The following PALMD variants were observed in gnomAD, a reference collection of about 807,000 sequenced individuals.
PALMD encodes the protein paralemmin-like protein.
A neutral mutation model predicts 56.2 loss-of-function variants in PALMD; 42 were observed. That is an observed-to-expected ratio of 0.75 (90% CI 0.58 to 0.97). The LOEUF (loss-of-function observed/expected upper bound fraction) is 0.97, where lower values mean the gene tolerates loss of function less well. Ranked by LOEUF, PALMD falls within the 50% of genes least tolerant of loss-of-function variation. The probability of loss-of-function intolerance (pLI) is 0.00; values close to 1 mark genes in which losing one functional copy is unlikely to be tolerated. For missense variants in PALMD, 660 were observed against 643.8 expected (o/e 1.03, Z -0.27); for synonymous variants, 242 against 222.9 (o/e 1.09, Z -0.76).
intron 3 of PALMD, chr1:99,684,372 T>C (rs1338622827): frequency 6.6e-6 from 1 of 152,236 alleles, no homozygotes; most frequent in Non-Finnish European, 1.5e-5. Flanking sequence ...AGCCCCTGTA[T>C]TGTCTCCCAC....
chr1:99,687,953 G>T (rs943096120), intron 6 of PALMD, among the ~76,000 whole-genome samples: 1 of 152,092 alleles, frequency 6.6e-6, no homozygotes, highest in African/African-American at 2.4e-5. Flanking sequence ...AAAGAAAGGT[G>T]GGAGGACACA....
intron 3 of PALMD, among the ~76,000 whole-genome samples, chr1:99,670,697 T>C (rs536418649): frequency 1.2e-4 from 18 of 152,296 alleles, no homozygotes; most frequent in African/African-American, 3.8e-4. Context: ...TTGTGACCTA[T>C]AGAGGCAGGT....
At chr1:99,667,553 T>C in intron 2 of PALMD, 89 bp from the exon 3 acceptor site, 1 of 1,026,194 alleles carries the variant, frequency 9.7e-7, no homozygotes, top group Non-Finnish European at 1.5e-6. Flanking sequence ...ACGTGTCACC[T>C]ATTGAAATTC....
intron 3 of PALMD, among the ~76,000 whole-genome samples, chr1:99,675,818 G>T (rs1653186297): frequency 6.6e-6 from 1 of 152,134 alleles, no homozygotes; most frequent in African/African-American, 2.4e-5. Flanking sequence ...TGATTAAGAG[G>T]GTTTGCTTTT....
rs112717391 is a variant in PALMD, at chr1:99,675,221, G to A, written c.251+7455G>A. 5.9e-3 allele frequency among the ~76,000 whole-genome samples: 891 copies of A among 152,286 alleles called. 9 individuals carry two copies. The highest frequency in any genetic ancestry group is 0.021 in the African/African-American group (856 of 41,568). ...ATAAAAAATAGAAAATATAGTGACTGCTGTATAATATAGTCAGGGATAAAT... is the reference window on the plus strand; with the variant it reads ...ATAAAAAATAGAAAATATAGTGACTACTGTATAATATAGTCAGGGATAAAT... On this transcript the variant is annotated intron_variant, in intron 3 of 7. Coordinates refer to ENST00000263174, the MANE Select transcript of PALMD (RefSeq NM_017734.5).
chr1:99,673,446 G>C (rs1653130797), intron 3 of PALMD, among the ~76,000 whole-genome samples: 1 of 151,762 alleles, frequency 6.6e-6, no homozygotes. Flanking sequence ...ACATAGCAGA[G>C]AGATAGACAA....
chr1:99,664,315 T>A (rs1283723606), intron 2 of PALMD, among the ~76,000 whole-genome samples: 1 of 152,188 alleles, frequency 6.6e-6, no homozygotes, highest in East Asian at 1.9e-4. Context: ...GAAGGCACTA[T>A]TAAAGGTATG....
At position 99,689,519 on chromosome 1, in the gene PALMD, A is replaced by G; in HGVS notation, c.1259A>G (p.Tyr420Cys). The change falls in exon 7 of 8, where the codon TAT (tyrosine) becomes TGT (cysteine). Residue 420 changes from tyrosine to cysteine, a missense_variant. By Grantham distance (194) the Tyr-to-Cys change is radical. Transcript: ENST00000263174. Reference protein sequence around the residue: ...TEPVTMIFMGYQQAEDSEEDK... With the variant: ...TEPVTMIFMGCQQAEDSEEDK... ...CCGGTGACAATGATTTTCATGGGGT[A>G]TCAGCAGGCAGAAGACAGTGAAGAA... The G allele has an allele frequency of 6.2e-7, 1 of 1,613,856 alleles. No individual in the cohort carries two copies. The highest frequency in any genetic ancestry group is 1.1e-5 in the South Asian group (1 of 91,076).
At chr1:99,659,300 C>T (rs1044473761) in intron 1 of PALMD, among the ~76,000 whole-genome samples, 2 of 152,080 alleles carry the variant, frequency 1.3e-5, no homozygotes, top group African/African-American at 4.8e-5. Flanking sequence ...TAAGAGATAA[C>T]CTTTAACAGG....
Position 99,683,003 on chromosome 1 carries a change from CTCCAAAAA to C in PALMD, c.252-3672_252-3665del, listed in dbSNP as rs576314602. Among the ~76,000 whole-genome samples, 990 of 130,840 alleles carry C rather than the reference CTCCAAAAA, an allele frequency of 7.6e-3. 26 individuals are homozygous for C. Among genetic ancestry groups the C allele is most frequent in the Middle Eastern group, 0.019 (5 of 258 alleles). 85.8% of individuals were successfully genotyped at this position (130,840 alleles called of 152,430 possible). ...CCTGGGTGACAGAGCAAGACTCTGT[CTCCAAAAA>C]GAAAGAAGGAAAGAAAGAAAGAAAG... On this transcript the variant is annotated intron_variant, in intron 3 of 7. Coordinates refer to ENST00000263174, the MANE Select transcript of PALMD (RefSeq NM_017734.5).
At chr1:99,681,032 A>G (rs1653328279) in intron 3 of PALMD, among the ~76,000 whole-genome samples, 1 of 151,894 alleles carries the variant, frequency 6.6e-6, no homozygotes, top group Admixed American at 6.6e-5. Flanking sequence ...GCTTTTACCC[A>G]AGGAGCTCTT....
In PALMD at chr1:99,689,125, A is replaced by T; in HGVS notation, c.865A>T (p.Ile289Phe). 1 of 1,613,728 alleles carries T rather than the reference A, an allele frequency of 6.2e-7. No homozygotes were observed. The highest frequency in any genetic ancestry group is 1.1e-5 in the South Asian group (1 of 91,046). Residue 289 changes from isoleucine (I) to phenylalanine (F), a missense_variant, in exon 7 of 8, where the codon ATT becomes TTT. Physicochemically the swap from Ile to Phe is conservative, Grantham distance 21. Coordinates refer to ENST00000263174, the MANE Select transcript of PALMD (RefSeq NM_017734.5). ...PGPNFQERIK[I>F]KTNGLGIGVN... Reference sequence around the variant, plus strand: ...ACCAAACTTTCAAGAAAGGATAAAGATTAAAACTAATGGACTGGGTATTGG... The same window carrying T: ...ACCAAACTTTCAAGAAAGGATAAAGTTTAAAACTAATGGACTGGGTATTGG...
intron 3 of PALMD, among the ~76,000 whole-genome samples, chr1:99,675,822 T>G (rs1427749369): frequency 6.6e-6 from 1 of 152,224 alleles, no homozygotes; most frequent in Non-Finnish European, 1.5e-5. Flanking sequence ...TAAGAGGGTT[T>G]GCTTTTCTAC....
At position 99,689,533 on chromosome 1, in the gene PALMD, G is replaced by T; in HGVS notation, c.1273G>T (p.Asp425Tyr). 4 of 1,613,790 alleles carry T rather than the reference G, an allele frequency of 2.5e-6. No individual in the cohort carries two copies. The South Asian group carries it at 4.4e-5, about 18-fold the overall frequency. The change falls in exon 7 of 8, where the codon GAC becomes TAC. Residue 425 changes from aspartate to tyrosine, a missense_variant. Transcript: ENST00000263174. Reference sequence around the variant, plus strand: ...TTTCATGGGGTATCAGCAGGCAGAAGACAGTGAAGAAGATAAGAAGTTTCT... The same window carrying T: ...TTTCATGGGGTATCAGCAGGCAGAATACAGTGAAGAAGATAAGAAGTTTCT... ...MIFMGYQQAEDSEEDKKFLTG... is the reference protein window; with the variant it reads ...MIFMGYQQAEYSEEDKKFLTG...
intron 1 of PALMD, among the ~76,000 whole-genome samples, chr1:99,653,107 A>G (rs537235060): frequency 6.6e-6 from 1 of 152,122 alleles, no homozygotes; most frequent in African/African-American, 2.4e-5. Flanking sequence ...ACATCCTTGC[A>G]TCTTTCACAG....
At chr1:99,658,269 A>C (rs1571061211) in intron 1 of PALMD, among the ~76,000 whole-genome samples, 2 of 149,024 alleles carry the variant, frequency 1.3e-5, no homozygotes. Flanking sequence ...GTGCCACTAC[A>C]CTCCAGCCTA....
chr1:99,647,727 A>G (rs184649924), intron 1 of PALMD, among the ~76,000 whole-genome samples: 3 of 152,290 alleles, frequency 2.0e-5, no homozygotes, highest in Admixed American at 1.3e-4. Flanking sequence ...ACTTTATTAG[A>G]CTGCGTGAGT....
At chr1:99,679,889 A>C (rs962160534) in intron 3 of PALMD, among the ~76,000 whole-genome samples, 1 of 152,142 alleles carries the variant, frequency 6.6e-6, no homozygotes, top group African/African-American at 2.4e-5. Flanking sequence ...AACTAACAAC[A>C]GTGCTCATGG....
At chr1:99,685,547 C>T (rs17120904) in intron 3 of PALMD, 10,643 of 152,336 alleles carry the variant, frequency 0.07, 499 homozygotes, top group African/African-American at 0.14. Context: ...AAAGTAAGAA[C>T]TTTGAAACTG....
Sources: gnomAD v4.1 joint callset for allele counts (sites outside exome capture counted in the v4.1 genomes callset) on GRCh38, gnomAD v4.1.1 for gene constraint, MANE v1.5 for transcripts, NCBI Gene and HGNC (gene_info 2026-07-23, HGNC 2026-07-21) for gene names.